Variants in PITPNC1 observed in about 807,000 individuals in gnomAD.
PITPNC1 encodes the protein phosphatidylinositol transfer protein cytoplasmic 1, also known as cytoplasmic phosphatidylinositol transfer protein 1.
A neutral mutation model predicts 44.7 loss-of-function variants in PITPNC1; 18 were observed. The observed-to-expected ratio is 0.40, with a 90% CI of 0.28 to 0.60. The LOEUF (loss-of-function observed/expected upper bound fraction) is 0.60. Ranked by LOEUF, PITPNC1 falls within the 20% of genes least tolerant of loss-of-function variation. PITPNC1 has a pLI of 0.39. For missense variants in PITPNC1, 290 were observed against 418.4 expected (o/e 0.69, Z 2.68); for synonymous variants, 141 against 149.6 (o/e 0.94, Z 0.42).
intron 5 of PITPNC1, among the ~76,000 whole-genome samples, chr17:67,618,301 G>T (rs1179860739): frequency 1.5e-5 from 2 of 134,206 alleles, no homozygotes; most frequent in African/African-American, 2.8e-5. Flanking sequence ...GGAGGCAGAG[G>T]TTGCAGTGAG....
At chr17:67,391,093 T>C (rs1313961629) in intron 1 of PITPNC1, among the ~76,000 whole-genome samples, 1 of 114,798 alleles carries the variant, frequency 8.7e-6, no homozygotes, top group Admixed American at 8.3e-5. Context: ...GTGTTTAATC[T>C]TTTTAAGTTT....
intron 1 of PITPNC1, among the ~76,000 whole-genome samples, chr17:67,401,124 G>T (rs1018532961): frequency 7.2e-5 from 11 of 152,142 alleles, no homozygotes; most frequent in Admixed American, 7.2e-4. Flanking sequence ...TAGTAGAGAC[G>T]GGGTTTCACC....
intron 1 of PITPNC1, among the ~76,000 whole-genome samples, chr17:67,454,500 T>C (rs2039228191): frequency 6.6e-6 from 1 of 152,192 alleles, no homozygotes; most frequent in Admixed American, 6.5e-5. Context: ...TTTTCAACCA[T>C]TTAAAAATGT....
At chr17:67,471,342 CTGTT>C (rs1452705553) in intron 1 of PITPNC1, 1 of 219,762 alleles carries the variant, frequency 4.6e-6, no homozygotes, top group Non-Finnish European at 9.1e-6. Context: ...ATACCACAGT[CTGTT>C]TATTCATTTA....
chr17:67,672,756 A>G (rs2042536689), intron 7 of PITPNC1, among the ~76,000 whole-genome samples: 1 of 152,052 alleles, frequency 6.6e-6, no homozygotes, highest in Non-Finnish European at 1.5e-5. Context: ...CCCTTTCCAA[A>G]TATAAGGAAG....
chr17:67,408,744 C>CTCTT (rs1362968532), intron 1 of PITPNC1: 1 of 125,036 alleles, frequency 8.0e-6, no homozygotes, highest in Non-Finnish European at 1.6e-5. Flanking sequence ...CTTTCTTTCT[C>CTCTT]TCTTTCTTTC....
At chr17:67,648,476 C>G (rs993264749) in intron 6 of PITPNC1, among the ~76,000 whole-genome samples, 2 of 152,196 alleles carry the variant, frequency 1.3e-5, no homozygotes, top group African/African-American at 4.8e-5. Context: ...GGGGTCCTCT[C>G]CAGTGTGCCC....
At chr17:67,535,046 G>A (rs1182118850) in intron 2 of PITPNC1, among the ~76,000 whole-genome samples, 1 of 152,236 alleles carries the variant, frequency 6.6e-6, no homozygotes, top group Non-Finnish European at 1.5e-5. Flanking sequence ...TGACAGTGAA[G>A]GGCATGAGCT....
chr17:67,481,618 G>A (rs1291317189), intron 1 of PITPNC1, among the ~76,000 whole-genome samples: 1 of 152,078 alleles, frequency 6.6e-6, no homozygotes. Flanking sequence ...TTACAGGCAT[G>A]AGCTACCATG....
At chr17:67,678,719 G>A (rs1335883348) in intron 8 of PITPNC1, among the ~76,000 whole-genome samples, 1 of 152,186 alleles carries the variant, frequency 6.6e-6, no homozygotes, top group Non-Finnish European at 1.5e-5. Flanking sequence ...AAGTAATTCT[G>A]GGAACTGTGG....
At chr17:67,420,624 G>A (rs969272058) in intron 1 of PITPNC1, among the ~76,000 whole-genome samples, 7 of 151,820 alleles carry the variant, frequency 4.6e-5, no homozygotes, top group Non-Finnish European at 1.0e-4. Context: ...TAGAGACGGG[G>A]TTTTGCTATG....
At chr17:67,443,359 G>T (rs752652452) in intron 1 of PITPNC1, among the ~76,000 whole-genome samples, 1 of 151,708 alleles carries the variant, frequency 6.6e-6, no homozygotes, top group African/African-American at 2.4e-5. Context: ...TTAGACTCTC[G>T]CAAGCAGGCT....
intron 1 of PITPNC1, among the ~76,000 whole-genome samples, chr17:67,471,751 T>A (rs1271566595): frequency 2.6e-5 from 4 of 151,944 alleles, no homozygotes; most frequent in Admixed American, 6.6e-5. Context: ...GTACTAATTA[T>A]GATACATTTA....
chr17:67,641,594 C>T (rs1330718133), intron 6 of PITPNC1, among the ~76,000 whole-genome samples: 1 of 151,948 alleles, frequency 6.6e-6, no homozygotes, highest in African/African-American at 2.4e-5. Context: ...GTCAGAAGTT[C>T]CAGACCCACC....
At chr17:67,471,351 C>T (rs1244383745) in intron 1 of PITPNC1, 2 of 238,040 alleles carry the variant, frequency 8.4e-6, no homozygotes, top group Non-Finnish European at 1.7e-5. Context: ...TCTGTTTATT[C>T]ATTTACCAGT....
intron 1 of PITPNC1, among the ~76,000 whole-genome samples, 180 bp downstream of exon 1, chr17:67,378,382 G>C (rs56021838): frequency 1.3e-5 from 2 of 152,156 alleles, no homozygotes; most frequent in Non-Finnish European, 2.9e-5. Context: ...CCCAGCGGGG[G>C]AGGGCGGCGC....
At chr17:67,667,625 G>A (rs1336761766) in intron 6 of PITPNC1, among the ~76,000 whole-genome samples, 1 of 150,196 alleles carries the variant, frequency 6.7e-6, no homozygotes, top group African/African-American at 2.5e-5. Flanking sequence ...ATCAGCAAAT[G>A]ATTGGCTAAT....
At chr17:67,686,210 T>C (rs1029613599) in intron 8 of PITPNC1, among the ~76,000 whole-genome samples, 2 of 150,212 alleles carry the variant, frequency 1.3e-5, no homozygotes, top group Admixed American at 6.7e-5. Context: ...TAATTTTTTG[T>C]TGGGGGCTGG....
At chr17:67,602,923 T>C (rs2144276727) in intron 5 of PITPNC1, among the ~76,000 whole-genome samples, 1 of 151,958 alleles carries the variant, frequency 6.6e-6, no homozygotes, top group East Asian at 1.9e-4. Context: ...TTTTTTTTTG[T>C]AGAGATGGGG....
Sources: gnomAD v4.1 joint callset for allele counts (sites outside exome capture counted in the v4.1 genomes callset) on GRCh38, gnomAD v4.1.1 for gene constraint, MANE v1.5 for transcripts, NCBI Gene and HGNC (gene_info 2026-07-23, HGNC 2026-07-21) for gene names.